ACTR3C: variants seen among roughly 807,000 people sequenced by gnomAD.
ACTR3C encodes the protein actin related protein 3C.
ACTR3C carries 18 observed loss-of-function variants against 26.3 expected under a neutral mutation model. The ratio of observed to expected loss-of-function variants is 0.68; its 90% CI spans 0.47 to 1.01. The LOEUF is 1.01. Ranked by LOEUF, ACTR3C falls within the 50% of genes least tolerant of loss-of-function variation. The pLI, the probability that ACTR3C is intolerant of heterozygous loss-of-function variation, is 0.00. For synonymous variants in ACTR3C, 55 were observed against 94.5 expected (o/e 0.58, Z 2.42); for missense variants, 184 against 250.7 (o/e 0.73, Z 1.80).
In ACTR3C at chr7:150,259,264, GAAGAAAGAAAAAGAAAGA is replaced by G. The variant is rs1201884980; in HGVS notation, c.565-10228_565-10211del. Among the ~76,000 whole-genome samples, 509 of 119,804 alleles carry G rather than the reference GAAGAAAGAAAAAGAAAGA, an allele frequency of 4.2e-3. 2 individuals are homozygous for G. Among genetic ancestry groups the G allele is most frequent in the Middle Eastern group, 0.033 (9 of 270 alleles). The allele number at this position is 119,804 out of a possible 152,430, so 78.6% of individuals were successfully genotyped here. On this transcript the variant is annotated intron_variant, in intron 6 of 7. Coordinates refer to ENST00000683684, the MANE Select transcript of ACTR3C (RefSeq NM_001164458.2). ...AAGACAGAAAGAAAAGAAAGAGAAA[GAAGAAAGAAAAAGAAAGA>G]AAGAAAGAAAAAGAAAGAAAGAAAG...
the ACTR3C span, among the ~76,000 whole-genome samples, chr7:149,959,720 C>T: frequency 0.024 from 3,712 of 152,256 alleles, 154 homozygotes; most frequent in African/African-American, 0.083. Flanking sequence ...ACATCCTCAA[C>T]GGGGTAGAAA....
the ACTR3C span, among the ~76,000 whole-genome samples, chr7:150,015,140 G>T: frequency 6.6e-6 from 1 of 152,146 alleles, no homozygotes; most frequent in Non-Finnish European, 1.5e-5. Context: ...TTCAGCCATG[G>T]TTGAGGGCCA....
the ACTR3C span, chr7:150,073,915 T>C: frequency 6.6e-6 from 1 of 152,262 alleles, no homozygotes; most frequent in Admixed American, 6.5e-5. Flanking sequence ...GCTATTGATG[T>C]CCTTGATGGG....
At chr7:150,113,407 G>A in the ACTR3C span, among the ~76,000 whole-genome samples, 1 of 151,896 alleles carries the variant, frequency 6.6e-6, no homozygotes, top group African/African-American at 2.4e-5. Context: ...TTTGTTCTAT[G>A]ACTACACAAA....
chr7:150,281,228 G>A (rs1309151959), intron 6 of ACTR3C, among the ~76,000 whole-genome samples: 2 of 151,868 alleles, frequency 1.3e-5, no homozygotes, highest in Non-Finnish European at 2.9e-5. Context: ...AGGAATGCGC[G>A]GCCGTCCAGA....
At chr7:150,164,150 T>C in the ACTR3C span, among the ~76,000 whole-genome samples, 2 of 152,134 alleles carry the variant, frequency 1.3e-5, no homozygotes, top group East Asian at 1.9e-4. Flanking sequence ...CCTTGTGAGC[T>C]GTTGTTGGGC....
chr7:150,252,671 G>T (rs140002844), intron 6 of ACTR3C, among the ~76,000 whole-genome samples: 1,842 of 152,246 alleles, frequency 0.012, 22 homozygotes, highest in Middle Eastern at 0.027. Context: ...ATTTTATTGT[G>T]ATTTAAAAGC....
chr7:150,311,140 T>C (rs1342900756), intron 1 of ACTR3C, among the ~76,000 whole-genome samples: 1 of 152,352 alleles, frequency 6.6e-6, no homozygotes, highest in East Asian at 1.9e-4. Context: ...ACTGATCCCA[T>C]AGACCCTAAG....
chr7:150,072,595 C>G, the ACTR3C span, among the ~76,000 whole-genome samples: 1 of 146,688 alleles, frequency 6.8e-6, no homozygotes, highest in Admixed American at 6.9e-5. Flanking sequence ...ATGGGAGCAC[C>G]GGCCGGTGAT....
the ACTR3C span, among the ~76,000 whole-genome samples, chr7:149,901,019 C>T: frequency 7.9e-5 from 12 of 152,198 alleles, no homozygotes; most frequent in East Asian, 5.8e-4. Context: ...GGCAACAAAG[C>T]GAGATTCTGT....
At chr7:150,240,258 T>C (rs1832105475), downstream of ACTR3C, among the ~76,000 whole-genome samples, 1 of 152,220 alleles carries the variant, frequency 6.6e-6, no homozygotes, top group Non-Finnish European at 1.5e-5. Flanking sequence ...GCACTCACAA[T>C]GTTGTGTAAA....
chr7:150,107,940 G>A, the ACTR3C span, among the ~76,000 whole-genome samples: 1 of 152,034 alleles, frequency 6.6e-6, no homozygotes. Flanking sequence ...TGGTCGTAGT[G>A]TCAATTGTAT....
chr7:149,900,975 G>A, the ACTR3C span, among the ~76,000 whole-genome samples: 1 of 152,036 alleles, frequency 6.6e-6, no homozygotes, highest in Non-Finnish European at 1.5e-5. Context: ...AGAGGTCACA[G>A]TAAGCCGACA....
At chr7:150,118,378 A>G in the ACTR3C span, among the ~76,000 whole-genome samples, 1 of 151,944 alleles carries the variant, frequency 6.6e-6, no homozygotes, top group Non-Finnish European at 1.5e-5. Flanking sequence ...ACCAGTTTAG[A>G]GAAGAACATA....
the ACTR3C span, among the ~76,000 whole-genome samples, chr7:149,885,273 G>A: frequency 6.6e-6 from 1 of 152,178 alleles, no homozygotes; most frequent in Non-Finnish European, 1.5e-5. Flanking sequence ...AAGGAGCCTG[G>A]GAGGCCCTGA....
chr7:150,214,630 GA>G, the ACTR3C span, among the ~76,000 whole-genome samples: 1 of 151,916 alleles, frequency 6.6e-6, no homozygotes, highest in African/African-American at 2.4e-5. Context: ...GAATAGGACC[GA>G]AAAAAAGTTT....
chr7:150,284,540 C>A (rs1284153748), intron 6 of ACTR3C, among the ~76,000 whole-genome samples: 1 of 152,002 alleles, frequency 6.6e-6, no homozygotes, highest in Non-Finnish European at 1.5e-5. Flanking sequence ...AGCAAGACTC[C>A]GTCTCCAAAA....
At chr7:150,083,276 T>C in the ACTR3C span, among the ~76,000 whole-genome samples, 13 of 151,638 alleles carry the variant, frequency 8.6e-5, no homozygotes, top group African/African-American at 2.9e-4. Flanking sequence ...ATACAATAAA[T>C]TATTGTTGAC....
the ACTR3C span, among the ~76,000 whole-genome samples, chr7:150,006,437 TCCGC>T: frequency 6.8e-6 from 1 of 147,994 alleles, no homozygotes; most frequent in Admixed American, 6.8e-5. Context: ...GACTTTGTGA[TCCGC>T]CCGCCTCGGC....
Sources: gnomAD v4.1 joint callset for allele counts (sites outside exome capture counted in the v4.1 genomes callset) on GRCh38, gnomAD v4.1.1 for gene constraint, MANE v1.5 for transcripts, NCBI Gene and HGNC (gene_info 2026-07-23, HGNC 2026-07-21) for gene names.